The following ERGIC1 variants were observed in gnomAD, a reference collection of about 807,000 sequenced individuals.
The protein encoded by ERGIC1 is endoplasmic reticulum-Golgi intermediate compartment protein 1.
In ERGIC1, 19 loss-of-function variants were observed where a neutral mutation model predicts 38.3. The observed-to-expected ratio is 0.50, with a 90% CI of 0.35 to 0.73. The LOEUF is 0.73. Ranked by LOEUF, ERGIC1 falls within the 30% of genes least tolerant of loss-of-function variation. The pLI is 0.01. For missense variants in ERGIC1, 294 were observed against 389.2 expected, an observed-to-expected ratio of 0.76 and a Z score of 2.06; for synonymous variants, 124 against 157.6, an observed-to-expected ratio of 0.79 and a Z score of 1.60.
At chr5:172,869,619 C>T (rs919645080) in intron 1 of ERGIC1, among the ~76,000 whole-genome samples, 7 of 152,186 alleles carry the variant, frequency 4.6e-5, no homozygotes, top group Non-Finnish European at 7.3e-5. Flanking sequence ...TCTAAGAAGT[C>T]ATGGAGAAAA....
intron 1 of ERGIC1, chr5:172,867,194 C>T: frequency 2.2e-6 from 1 of 455,826 alleles, no homozygotes; most frequent in Non-Finnish European, 4.4e-6. Flanking sequence ...CTTTATCGTG[C>T]TACCTGGAAA....
intron 1 of ERGIC1, among the ~76,000 whole-genome samples, chr5:172,858,524 A>G (rs1425467008): frequency 6.6e-6 from 1 of 152,200 alleles, no homozygotes; most frequent in Non-Finnish European, 1.5e-5. Context: ...ATTTGCACTT[A>G]GTCCTGAATC....
rs777591388 is a variant in ERGIC1, at chr5:172,837,979, G to A, written c.20+3546G>A. Among the ~76,000 whole-genome samples, 5 of 152,186 alleles carry A rather than the reference G, an allele frequency of 3.3e-5. No homozygotes were observed. Among genetic ancestry groups the A allele is most frequent in the African/African-American group, 7.2e-5 (3 of 41,442 alleles). On this transcript the variant is annotated intron_variant, in intron 1 of 9. Transcript: ENST00000393784. The surrounding 1 kb of genome is among the most constrained non-coding windows in gnomAD (Gnocchi z 4.3). ...CAGTGGTGCCTGAGCACTGCCTTCC[G>A]GGAGGTGCAGGTGGCTGCTGTCCCA...
At chr5:172,854,473 C>T (rs1761492217) in intron 1 of ERGIC1, among the ~76,000 whole-genome samples, 1 of 152,264 alleles carries the variant, frequency 6.6e-6, no homozygotes, top group East Asian at 1.9e-4. Flanking sequence ...GCTGGGGCCA[C>T]TGTCTGTTGG....
At chr5:172,939,905 G>C (rs768477169) in intron 9 of ERGIC1, among the ~76,000 whole-genome samples, 2 of 152,252 alleles carry the variant, frequency 1.3e-5, no homozygotes, top group Non-Finnish European at 2.9e-5. Context: ...GGGAGCCCTC[G>C]GAGGGCGGGG....
At chr5:172,896,051 A>G (rs1263341394) in intron 2 of ERGIC1, among the ~76,000 whole-genome samples, 2 of 152,102 alleles carry the variant, frequency 1.3e-5, no homozygotes, top group African/African-American at 2.4e-5. Flanking sequence ...CATTTTAAAC[A>G]TATTGGACCG....
chr5:172,883,483 T>TTTTTG (rs1270331808), intron 1 of ERGIC1, among the ~76,000 whole-genome samples: 2 of 152,232 alleles, frequency 1.3e-5, no homozygotes, highest in South Asian at 4.1e-4. Flanking sequence ...TGCCAGCCAG[T>TTTTTG]TTTTGTTTTG....
chr5:172,925,009 G>C (rs538536131), intron 6 of ERGIC1, among the ~76,000 whole-genome samples: 1 of 152,064 alleles, frequency 6.6e-6, no homozygotes, highest in Non-Finnish European at 1.5e-5. Context: ...AGGCTGAAGC[G>C]GGCGAACTGC....
intron 2 of ERGIC1, among the ~76,000 whole-genome samples, chr5:172,895,781 A>G (rs1264245093): frequency 6.6e-6 from 1 of 152,002 alleles, no homozygotes; most frequent in African/African-American, 2.4e-5. Flanking sequence ...AGGGATGATG[A>G]GTCCAGGCAA....
chr5:172,876,005 T>C (rs1762133287), intron 1 of ERGIC1, among the ~76,000 whole-genome samples: 1 of 152,244 alleles, frequency 6.6e-6, no homozygotes, highest in Non-Finnish European at 1.5e-5. Context: ...TTGATTAGGC[T>C]CAGGGTCAGT....
intron 4 of ERGIC1, among the ~76,000 whole-genome samples, chr5:172,911,419 G>A (rs1247477317): frequency 2.0e-5 from 3 of 152,174 alleles, no homozygotes; most frequent in African/African-American, 7.2e-5. Context: ...GTAGGAAAGG[G>A]AAGAGATGTG....
At chr5:172,914,675 T>C (rs777527156) in intron 4 of ERGIC1, 39 bp from the exon 5 acceptor site, 5 of 1,613,664 alleles carry the variant, frequency 3.1e-6, no homozygotes, top group South Asian at 1.1e-5. Context: ...CTCCCGCGTC[T>C]CTGGGTTTGT....
chr5:172,939,426 G>C (rs580037), intron 9 of ERGIC1, among the ~76,000 whole-genome samples: 3,663 of 152,334 alleles, frequency 0.024, 139 homozygotes, highest in African/African-American at 0.083. Context: ...ATAACATGTC[G>C]TATGAAGTCC....
In ERGIC1 at chr5:172,846,684, C is replaced by G. The variant is rs758149727; in HGVS notation, c.20+12251C>G. ...AAAGGAATAGGAAGGTTTCTCCTGG[C>G]GCAGGAAAGTGTTTTAAGAGGTGAG... On this transcript the variant is annotated intron_variant, in intron 1 of 9. Coordinates refer to ENST00000393784, the MANE Select transcript of ERGIC1 (RefSeq NM_001031711.3). This position sits in a 1 kb window ranked among gnomAD's most constrained non-coding sequence, Gnocchi z 4.0. 6.6e-6 allele frequency among the ~76,000 whole-genome samples: 1 copy of G among 152,098 alleles called. No homozygotes were observed. The highest frequency in any genetic ancestry group is 2.4e-5 in the African/African-American group (1 of 41,404).
rs906560569 is a variant in ERGIC1, at chr5:172,952,628, T to G, written c.*1812T>G. The G allele has an allele frequency of 4.6e-5, 7 of 152,104 alleles. No homozygotes were observed. Among genetic ancestry groups the G allele is most frequent in the African/African-American group, 1.7e-4 (7 of 41,386 alleles). The allele number at this position is 152,104 out of a possible 1,614,324, so 9.4% of individuals were successfully genotyped here. Reference sequence around the variant, plus strand: ...CAAAATCTGAAGGGAAAAAAATGTTTTAGTTCTTTCCCCACTCGTTGGGTT... The same window carrying G: ...CAAAATCTGAAGGGAAAAAAATGTTGTAGTTCTTTCCCCACTCGTTGGGTT... On this transcript the variant is annotated 3_prime_UTR_variant, in exon 10 of 10. Transcript: ENST00000393784.
chr5:172,895,310 A>G (rs1217925380), intron 2 of ERGIC1, among the ~76,000 whole-genome samples: 1 of 152,172 alleles, frequency 6.6e-6, no homozygotes. Flanking sequence ...AGGTACTACC[A>G]TTGCTGCCAT....
chr5:172,871,093 G>A (rs1321273048), intron 1 of ERGIC1, among the ~76,000 whole-genome samples: 5 of 152,220 alleles, frequency 3.3e-5, no homozygotes, highest in Admixed American at 6.5e-5. Context: ...GTCCACGCAT[G>A]CTCAGTGACA....
intron 1 of ERGIC1, among the ~76,000 whole-genome samples, chr5:172,853,440 G>A (rs1581512673): frequency 6.6e-6 from 1 of 152,324 alleles, no homozygotes. Context: ...GTACCTCTCA[G>A]CTGTTTTCCA....
At chr5:172,870,982 C>T (rs73803652) in intron 1 of ERGIC1, among the ~76,000 whole-genome samples, 4,118 of 152,290 alleles carry the variant, frequency 0.027, 173 homozygotes, top group African/African-American at 0.083. Flanking sequence ...CCCCAAGATG[C>T]GTAAGACAAC....
Sources: gnomAD v4.1 joint callset for allele counts (sites outside exome capture counted in the v4.1 genomes callset) on GRCh38, gnomAD v4.1.1 for gene constraint, Gnocchi (gnomAD v3.1) non-coding constraint, MANE v1.5 for transcripts, NCBI Gene and HGNC (gene_info 2026-07-23, HGNC 2026-07-21) for gene names.